The following ZNF107 variants were observed in gnomAD, a reference collection of about 807,000 sequenced individuals.
ZNF107 encodes zinc finger protein 107, also known as C2H2 type zinc-finger protein.
Under a neutral mutation model 12.3 loss-of-function variants are expected in ZNF107, and 19 were observed. That is an observed-to-expected ratio of 1.55 (90% confidence interval 1.08 to 2.27). The LOEUF is 2.27. ZNF107 is among the 30% of genes most tolerant of loss of function. The probability of loss-of-function intolerance (pLI) is 0.00; values close to 1 mark genes in which losing one functional copy is unlikely to be tolerated. For missense variants in ZNF107, 958 were observed against 979.9 expected (o/e 0.98, Z 0.30); for synonymous variants, 317 against 330.5 (o/e 0.96, Z 0.44).
chr7:64,695,007 C>T (rs1432152564), intron 3 of ZNF107, among the ~76,000 whole-genome samples: 1 of 151,824 alleles, frequency 6.6e-6, no homozygotes, highest in African/African-American at 2.4e-5. Context: ...AATAATATAA[C>T]TTATTCTCAA....
intron 1 of ZNF107, among the ~76,000 whole-genome samples, chr7:64,669,536 G>A (rs1009601179): frequency 6.6e-6 from 1 of 152,156 alleles, no homozygotes; most frequent in Non-Finnish European, 1.5e-5. Flanking sequence ...GCTCACGCCT[G>A]TAATCCCAGC....
intron 1 of ZNF107, chr7:64,668,981 T>C (rs1789115243): frequency 6.6e-6 from 1 of 151,130 alleles, no homozygotes; most frequent in Non-Finnish European, 1.5e-5. Flanking sequence ...CATCTTGATT[T>C]GTGAGGATAA....
intron 1 of ZNF107, among the ~76,000 whole-genome samples, chr7:64,670,489 G>C (rs1407709995): frequency 6.6e-6 from 1 of 152,190 alleles, no homozygotes; most frequent in Non-Finnish European, 1.5e-5. Flanking sequence ...AAACTTAAGT[G>C]AAGTTTGATT....
chr7:64,696,914 C>A (rs1790308160), intron 3 of ZNF107, among the ~76,000 whole-genome samples: 1 of 151,936 alleles, frequency 6.6e-6, no homozygotes, highest in Non-Finnish European at 1.5e-5. Context: ...GTGTGCTGCA[C>A]CCAGTAACTC....
At chr7:64,686,523 G>T (rs955281348) in intron 1 of ZNF107, 17 of 985,102 alleles carry the variant, frequency 1.7e-5, no homozygotes, top group Admixed American at 1.2e-4. Context: ...ACATCACCCC[G>T]TCCACTTCTT....
At chr7:64,697,042 C>A (rs944493724) in intron 3 of ZNF107, among the ~76,000 whole-genome samples, 6 of 151,856 alleles carry the variant, frequency 4.0e-5, no homozygotes, top group African/African-American at 1.5e-4. Context: ...TGTTCAGTTC[C>A]CACCTATGAG....
intron 1 of ZNF107, among the ~76,000 whole-genome samples, chr7:64,685,459 A>C (rs947775400): frequency 3.3e-5 from 5 of 152,200 alleles, no homozygotes; most frequent in African/African-American, 9.7e-5. Flanking sequence ...TACGCACTGC[A>C]TGACCATTCA....
chr7:64,675,614 G>A (rs1314901228), intron 1 of ZNF107, among the ~76,000 whole-genome samples: 1 of 151,998 alleles, frequency 6.6e-6, no homozygotes, highest in African/African-American at 2.4e-5. Flanking sequence ...ATGTGATTTT[G>A]GTTATTTCTT....
Position 64,706,920 on chromosome 7 carries a change from C to T in ZNF107, c.823C>T (p.His275Tyr). ...TAAACAGGCCTCACACCTTACTATA[C>T]ATAAAATAATTCATACTGGAGAAAA... ...AFKQASHLTI[H>Y]KIIHTGEKPY... Residue 275 changes from histidine to tyrosine, a missense_variant, in exon 4 of 4, where the codon CAT (histidine) becomes TAT (tyrosine). Physicochemically the swap from His to Tyr is moderately conservative, Grantham distance 83. Coordinates refer to ENST00000620827, the MANE Select transcript of ZNF107 (RefSeq NM_001282359.2). 6.2e-7 allele frequency: 1 copy of T among 1,612,256 alleles called. No homozygotes were observed.
intron 3 of ZNF107, among the ~76,000 whole-genome samples, chr7:64,702,436 A>G (rs1790507172): frequency 1.3e-5 from 2 of 152,140 alleles, no homozygotes; most frequent in Admixed American, 1.3e-4. Flanking sequence ...CGCCCGGCCA[A>G]TATTTTTAAA....
chr7:64,697,468 C>G (rs1026983541), intron 3 of ZNF107, among the ~76,000 whole-genome samples: 2 of 152,168 alleles, frequency 1.3e-5, no homozygotes, highest in African/African-American at 2.4e-5. Flanking sequence ...TCCACATCCT[C>G]TCCAGCACCT....
rs769120990 is a variant in ZNF107, at chr7:64,706,890, G to A, written c.793G>A (p.Ala265Thr). 8 of 1,613,074 alleles carry A rather than the reference G, an allele frequency of 5.0e-6. No homozygotes were observed. The East Asian group carries it at 1.8e-4, about 36-fold the overall frequency. The stretch of plus-strand genomic sequence containing the variant: ...CAACAAATGTGAAGAATGTGGCAAG[G>A]CCTTTAAACAGGCCTCACACCTTAC... Reference protein sequence around the residue: ...KPNKCEECGKAFKQASHLTIH... With the variant: ...KPNKCEECGKTFKQASHLTIH... The change falls in exon 4 of 4, where the codon GCC becomes ACC. Residue 265 changes from alanine to threonine, a missense_variant. Physicochemically the swap from Ala to Thr is moderately conservative, Grantham distance 58 (BLOSUM62 0). Transcript: ENST00000620827.
chr7:64,686,748 C>T, intron 1 of ZNF107: 3 of 857,368 alleles, frequency 3.5e-6, no homozygotes, highest in Non-Finnish European at 4.2e-6. Flanking sequence ...CTTGAGTCAA[C>T]AAGTCCCAAA....
At chr7:64,702,568 T>C (rs899448572) in intron 3 of ZNF107, among the ~76,000 whole-genome samples, 1 of 152,222 alleles carries the variant, frequency 6.6e-6, no homozygotes, top group South Asian at 2.1e-4. Flanking sequence ...CATGTACTTT[T>C]TTTTTTCTTG....
At chr7:64,693,265 G>C (rs1365878573) in intron 3 of ZNF107, among the ~76,000 whole-genome samples, 1 of 146,986 alleles carries the variant, frequency 6.8e-6, no homozygotes, top group Non-Finnish European at 1.5e-5. Context: ...TGCCCGTCTC[G>C]GCCTCCCAAA....
At chr7:64,688,423 A>C (rs1036627382) in intron 1 of ZNF107, among the ~76,000 whole-genome samples, 2 of 151,850 alleles carry the variant, frequency 1.3e-5, no homozygotes, top group Admixed American at 1.3e-4. Context: ...CGTACAGCTA[A>C]TTTTTGTATG....
At chr7:64,702,717 C>A (rs945245846) in intron 3 of ZNF107, among the ~76,000 whole-genome samples, 3 of 151,924 alleles carry the variant, frequency 2.0e-5, no homozygotes, top group African/African-American at 7.3e-5. Flanking sequence ...GCCACTATAC[C>A]CAGCTAATTT....
intron 3 of ZNF107, among the ~76,000 whole-genome samples, chr7:64,700,168 T>C (rs1790426788): frequency 6.6e-6 from 1 of 152,160 alleles, no homozygotes; most frequent in Non-Finnish European, 1.5e-5. Flanking sequence ...ATGTCCATGT[T>C]CTGCAAACCT....
intron 3 of ZNF107, among the ~76,000 whole-genome samples, chr7:64,702,837 G>A (rs898822597): frequency 6.6e-6 from 1 of 152,168 alleles, no homozygotes; most frequent in African/African-American, 2.4e-5. Context: ...GGGATTATAG[G>A]CGTGAGCCAC....
Sources: gnomAD v4.1 joint callset for allele counts (sites outside exome capture counted in the v4.1 genomes callset) on GRCh38, gnomAD v4.1.1 for gene constraint, MANE v1.5 for transcripts, NCBI Gene and HGNC (gene_info 2026-07-23, HGNC 2026-07-21) for gene names.